Variants in PCDHA6 observed in about 807,000 individuals in gnomAD.
The protein encoded by PCDHA6 is protocadherin alpha-6.
In PCDHA6, 55 loss-of-function variants were observed where a neutral mutation model predicts 60.3. The ratio of observed to expected loss-of-function variants is 0.91; its 90% CI spans 0.73 to 1.14. The LOEUF is 1.14. PCDHA6 is among the 50% of genes most tolerant of loss of function. The pLI, the probability that PCDHA6 is intolerant of heterozygous loss-of-function variation, is 0.00. For synonymous variants in PCDHA6, 652 were observed against 557.9 expected (o/e 1.17, Z -2.38); for missense variants, 1,327 against 1,256.5 (o/e 1.06, Z -0.85).
intron 1 of PCDHA6, among the ~76,000 whole-genome samples, chr5:140,893,180 C>G (rs1388898676): frequency 6.6e-6 from 1 of 152,208 alleles, no homozygotes; most frequent in Non-Finnish European, 1.5e-5. Context: ...CACATAGTAG[C>G]TATTGTGAAT....
chr5:140,849,596 A>G, intron 1 of PCDHA6: 1 of 1,598,768 alleles, frequency 6.3e-7, no homozygotes, highest in Non-Finnish European at 8.6e-7. Flanking sequence ...AACTGGGGAC[A>G]GTTATTGCCC....
chr5:140,875,242 TA>T, intron 1 of PCDHA6: 2 of 943,026 alleles, frequency 2.1e-6, no homozygotes, highest in Non-Finnish European at 3.0e-6. Flanking sequence ...TGTACTTACA[TA>T]ATCAGTCACA....
In PCDHA6 at chr5:140,830,400, T is replaced by C. The variant is rs2150186085; in HGVS notation, c.2309T>C (p.Met770Thr). Residue 770 changes from methionine to threonine, a missense_variant, in exon 1 of 4, where the codon ATG becomes ACG. Coordinates refer to ENST00000529310, the MANE Select transcript of PCDHA6 (RefSeq NM_018909.4). Reference protein sequence around the residue: ...SGEGPPKMDLMAFSPSLSPCP... With the variant: ...SGEGPPKMDLTAFSPSLSPCP... ...GAGGGCCCACCCAAGATGGATCTCATGGCCTTTAGCCCCAGCCTTTCACCT... is the reference window on the plus strand; with the variant it reads ...GAGGGCCCACCCAAGATGGATCTCACGGCCTTTAGCCCCAGCCTTTCACCT... 1.1e-5 allele frequency: 18 copies of C among 1,614,068 alleles called. No homozygotes were observed. The highest frequency in any genetic ancestry group is 8.5e-7 in the Non-Finnish European group (1 of 1,180,002).
chr5:140,953,517 A>G (rs1554220954), intron 1 of PCDHA6, among the ~76,000 whole-genome samples: 1 of 152,168 alleles, frequency 6.6e-6, no homozygotes, highest in African/African-American at 2.4e-5. Flanking sequence ...CAAAGCAACA[A>G]AAACGGGAAA....
At chr5:140,890,356 T>C (rs139351817) in intron 1 of PCDHA6, among the ~76,000 whole-genome samples, 50 of 152,308 alleles carry the variant, frequency 3.3e-4, no homozygotes, top group African/African-American at 1.2e-3. Context: ...TATATAGCAA[T>C]GGATAACCTG....
At chr5:140,910,874 A>T (rs1285814930) in intron 1 of PCDHA6, among the ~76,000 whole-genome samples, 2 of 151,996 alleles carry the variant, frequency 1.3e-5, no homozygotes, top group African/African-American at 4.8e-5. Flanking sequence ...ATTATCCCAC[A>T]CCCTTAATAT....
At chr5:140,957,912 T>A (rs570961362) in intron 1 of PCDHA6, among the ~76,000 whole-genome samples, 1 of 152,256 alleles carries the variant, frequency 6.6e-6, no homozygotes, top group Non-Finnish European at 1.5e-5. Context: ...CATATTGTTA[T>A]CTATGTATCA....
At chr5:140,837,457 C>T (rs1554136474) in intron 1 of PCDHA6, among the ~76,000 whole-genome samples, 2 of 151,816 alleles carry the variant, frequency 1.3e-5, no homozygotes, top group Non-Finnish European at 2.9e-5. Context: ...AAAAAATCTC[C>T]TTGCCTCCTC....
intron 1 of PCDHA6, chr5:140,869,970 A>G: frequency 3.7e-6 from 6 of 1,613,166 alleles, no homozygotes; most frequent in Non-Finnish European, 5.1e-6. Context: ...CCAATGGAAG[A>G]CACTTATTTA....
rs571391051 is a variant in PCDHA6 at position 140,964,645 on chromosome 5, A to G, written c.2395-14304A>G. Among the ~76,000 whole-genome samples the G allele has an allele frequency of 4.6e-5, 7 of 152,152 alleles. No individual in the cohort carries two copies. The East Asian group carries it at 7.7e-4, about 17-fold the overall frequency. ...TATAAGCCATTTATTTTCAGAAACA[A>G]GTAATGGGTGAGGACACAGGCCAGG... is the stretch of plus-strand genomic sequence containing the variant. On this transcript the variant is annotated intron_variant, in intron 1 of 3. Coordinates refer to ENST00000529310, the MANE Select transcript of PCDHA6 (RefSeq NM_018909.4).
At position 140,836,827 on chromosome 5, in the gene PCDHA6, G is replaced by A. The variant is rs1774764727; in HGVS notation, c.2394+6342G>A. Reference sequence around the variant, plus strand: ...ATTTTCTTTCATAATTTCTTTTTTAGTTGATAGCTTTATGTATAATTATTA... The same window carrying A: ...ATTTTCTTTCATAATTTCTTTTTTAATTGATAGCTTTATGTATAATTATTA... On this transcript the variant is annotated intron_variant, in intron 1 of 3. Transcript: ENST00000529310. The A allele has an allele frequency of 2.9e-5, 28 of 968,068 alleles. No homozygotes were observed. The South Asian group carries it at 4.7e-4, about 16-fold the overall frequency. 60.0% of individuals were successfully genotyped at this position (968,068 alleles called of 1,614,324 possible).
intron 1 of PCDHA6, chr5:140,967,929 G>C (rs1554230126): frequency 6.2e-7 from 1 of 1,614,214 alleles, no homozygotes; most frequent in Non-Finnish European, 8.5e-7. Flanking sequence ...GCCGTTCTCA[G>C]TGTCAATGAC....
intron 1 of PCDHA6, chr5:140,968,074 C>T (rs781940696): frequency 1.2e-6 from 2 of 1,614,020 alleles, no homozygotes; most frequent in African/African-American, 1.3e-5. Context: ...CTGTCTACAA[C>T]ATCACGGTGA....
intron 1 of PCDHA6, among the ~76,000 whole-genome samples, chr5:140,948,792 T>C (rs1215416836): frequency 6.6e-6 from 1 of 151,646 alleles, no homozygotes; most frequent in Non-Finnish European, 1.5e-5. Context: ...TTTGTTGATA[T>C]ATTTTCTATT....
At chr5:141,005,311 A>C (rs2098206135) in intron 3 of PCDHA6, among the ~76,000 whole-genome samples, 6 of 152,310 alleles carry the variant, frequency 3.9e-5, no homozygotes, top group Middle Eastern at 6.8e-3. Flanking sequence ...TGAATCTTAC[A>C]GTGGTAGAGA....
chr5:140,854,428 A>G (rs1402946580), intron 1 of PCDHA6: 1 of 151,142 alleles, frequency 6.6e-6, no homozygotes, highest in Non-Finnish European at 1.5e-5. Context: ...TAAAATCAGA[A>G]TTTGAATGAA....
At chr5:140,995,837 C>T (rs1554254841) in intron 3 of PCDHA6, among the ~76,000 whole-genome samples, 2 of 152,158 alleles carry the variant, frequency 1.3e-5, no homozygotes, top group Non-Finnish European at 2.9e-5. Context: ...TGCACAGTGC[C>T]TCACATTTCT....
In PCDHA6 at chr5:140,849,449, C is replaced by T. The variant is rs200997092; in HGVS notation, c.2394+18964C>T. 81 of 1,586,124 alleles carry T rather than the reference C, an allele frequency of 5.1e-5. 9 individuals carry two copies. The highest frequency in any genetic ancestry group is 3.8e-4 in the Middle Eastern group (2 of 5,312). On this transcript the variant is annotated intron_variant, in intron 1 of 3. Coordinates refer to ENST00000529310, the MANE Select transcript of PCDHA6 (RefSeq NM_018909.4). ...TTGAAGAAAGTAGAGCACACAAGAT[C>T]CCAGTCGAGGCTGTCGATAAAGGCT...
intron 1 of PCDHA6, among the ~76,000 whole-genome samples, chr5:140,944,359 T>C (rs1248806355): frequency 6.6e-6 from 1 of 152,092 alleles, no homozygotes; most frequent in African/African-American, 2.4e-5. Context: ...GGCTAATTTT[T>C]AATTTTTTAT....
Sources: gnomAD v4.1 joint callset for allele counts (sites outside exome capture counted in the v4.1 genomes callset) on GRCh38, gnomAD v4.1.1 for gene constraint, MANE v1.5 for transcripts, NCBI Gene and HGNC (gene_info 2026-07-23, HGNC 2026-07-21) for gene names.